The following CDC25A variants were observed in gnomAD, a reference collection of about 807,000 sequenced individuals.
CDC25A encodes cell division cycle 25A, also known as M-phase inducer phosphatase 1.
In CDC25A, 17 loss-of-function variants were observed where a neutral mutation model predicts 64.6. The ratio of observed to expected loss-of-function variants is 0.26; its 90% CI spans 0.18 to 0.39. CDC25A has a LOEUF of 0.39. Among genes scored for constraint, CDC25A ranks in the 10% least tolerant of loss-of-function variants. The probability of loss-of-function intolerance (pLI) is 1.00; values close to 1 mark genes in which losing one functional copy is unlikely to be tolerated. For synonymous variants in CDC25A, 229 were observed against 238.6 expected (o/e 0.96, Z 0.37); for missense variants, 473 against 654.8 (o/e 0.72, Z 3.03).
chr3:48,166,045 G>A, intron 10 of CDC25A, 152 bp from the exon 11 acceptor site: 1 of 629,368 alleles, frequency 1.6e-6, no homozygotes, highest in Non-Finnish European at 2.8e-6. Flanking sequence ...AGCACTTTGG[G>A]AGGCCGAGGC....
chr3:48,173,209 C>CAAA (rs35936117), intron 9 of CDC25A, among the ~76,000 whole-genome samples: 1 of 54,500 alleles, frequency 1.8e-5, no homozygotes, highest in African/African-American at 5.6e-5. Context: ...CAGAGCGTCT[C>CAAA]AAAAAAAAAA....
At chr3:48,176,027 G>A (rs1247898738) in intron 8 of CDC25A, among the ~76,000 whole-genome samples, 7 of 152,142 alleles carry the variant, frequency 4.6e-5, no homozygotes, top group Admixed American at 1.3e-4. Flanking sequence ...AATTAGCCGG[G>A]AGTGGTGGCG....
chr3:48,184,027 G>GA (rs1260410922), intron 3 of CDC25A, among the ~76,000 whole-genome samples, 191 bp from the exon 4 acceptor site: 1 of 151,490 alleles, frequency 6.6e-6, no homozygotes, highest in Non-Finnish European at 1.5e-5. Flanking sequence ...ACTTCTAGGT[G>GA]AAAAAAAACA....
Position 48,174,379 on chromosome 3 carries a change from A to T in CDC25A, c.835T>A (p.Ser279Thr). 1 of 1,614,134 alleles carries T rather than the reference A, an allele frequency of 6.2e-7. No homozygotes were observed. The highest frequency in any genetic ancestry group is 2.2e-5 in the East Asian group (1 of 44,888). The change falls in exon 9 of 15, where the codon TCT becomes ACT. Residue 279 changes from serine to threonine, a missense_variant. Physicochemically the swap from Ser to Thr is moderately conservative, Grantham distance 58. Around this residue, in one of 2 missense-constraint regions of CDC25A, gnomAD observed 376 missense variants for 431.9 expected, o/e 0.87. Transcript: ENST00000302506. ...CTTCCAGGTGGAGACTCCTCTTGAG[A>T]TCGTTCTGGTCTCTTCAACACTGAC... ...TRSVLKRPER[S>T]QEESPPGSTK...
Position 48,165,745 on chromosome 3 carries a change from A to C in CDC25A, c.1093-11T>G. ...CAAAACAGATGCCATCTGTTGAGAG[A>C]AAATTAGGGAGAATCAACTTTGACC... On this transcript the variant is annotated splice_polypyrimidine_tract_variant and intron_variant, in intron 11 of 14. Transcript: ENST00000302506. 1 of 1,607,410 alleles carries C rather than the reference A, an allele frequency of 6.2e-7. No homozygotes were observed. Among genetic ancestry groups the C allele is most frequent in the Non-Finnish European group, 8.5e-7 (1 of 1,173,912 alleles).
Position 48,184,798 on chromosome 3 carries a change from G to T in CDC25A, c.248-103C>A. The T allele has an allele frequency of 3.9e-6, 3 of 776,230 alleles. No homozygotes were observed. In the South Asian group the frequency reaches 5.2e-5, roughly 13 times the overall value. The allele number at this position is 776,230 out of a possible 1,614,324, so 48.1% of individuals were successfully genotyped here. A position where few individuals can be genotyped will look rare whatever the true frequency, so the allele number is the denominator to read the frequency against. On this transcript the variant is annotated intron_variant, in intron 2 of 14. Coordinates refer to ENST00000302506, the MANE Select transcript of CDC25A (RefSeq NM_001789.3). ...AGTACCTGGGTCTTTATTTAAGTCAGGCAACAAATATTCATGGCTTGTACT... is the reference window on the plus strand; with the variant it reads ...AGTACCTGGGTCTTTATTTAAGTCATGCAACAAATATTCATGGCTTGTACT...
chr3:48,168,674 G>A (rs1211911996), intron 9 of CDC25A, among the ~76,000 whole-genome samples: 1 of 149,848 alleles, frequency 6.7e-6, no homozygotes. Flanking sequence ...CGCTCAGGCT[G>A]GAGTGCAGTG....
At chr3:48,177,832 CA>C in intron 7 of CDC25A, 21 bp downstream of exon 7, 19 of 2,652 alleles carry the variant, frequency 7.2e-3, no homozygotes, top group Non-Finnish European at 0.02. Context: ...CAAATAGGAA[CA>C]CACACACACA....
At chr3:48,186,841 G>T in intron 1 of CDC25A, 62 bp from the exon 2 acceptor site, 2 of 1,099,094 alleles carry the variant, frequency 1.8e-6, no homozygotes, top group East Asian at 2.6e-5. Context: ...GTCACATGCA[G>T]GAGATAGGCC....
intron 9 of CDC25A, among the ~76,000 whole-genome samples, chr3:48,169,385 G>A (rs1575263790): frequency 1.3e-5 from 2 of 152,324 alleles, no homozygotes; most frequent in South Asian, 2.1e-4. Flanking sequence ...TCACCTATGT[G>A]ATATTCTTGC....
chr3:48,161,265 G>A (rs2031751309), intron 13 of CDC25A: 1 of 155,710 alleles, frequency 6.4e-6, no homozygotes, highest in African/African-American at 2.4e-5. Flanking sequence ...AGTGTAAGGG[G>A]TATCTGTAGA....
intron 5 of CDC25A, chr3:48,181,676 A>G (rs970907563): frequency 4.7e-6 from 5 of 1,057,092 alleles, no homozygotes; most frequent in Non-Finnish European, 7.4e-6. Context: ...GAACAAGAGC[A>G]TGTTATTTAA....
intron 8 of CDC25A, 63 bp downstream of exon 8, chr3:48,177,308 G>A: frequency 8.0e-7 from 1 of 1,250,132 alleles, no homozygotes; most frequent in African/African-American, 1.5e-5. Context: ...ACTCAACTAA[G>A]GACTACTCTG....
chr3:48,182,475 T>C (rs1276441892), intron 5 of CDC25A, among the ~76,000 whole-genome samples: 2 of 152,176 alleles, frequency 1.3e-5, no homozygotes, highest in Admixed American at 6.5e-5. Flanking sequence ...TCCCTAGAAC[T>C]TGTTGACCCC....
chr3:48,167,842 T>C lies in CDC25A; in HGVS notation c.1029+4A>G. 2 of 1,499,804 alleles carry C rather than the reference T, an allele frequency of 1.3e-6. No individual in the cohort carries two copies. Among genetic ancestry groups the C allele is most frequent in the East Asian group, 2.3e-5 (1 of 44,330 alleles). The allele number at this position is 1,499,804 out of a possible 1,614,324, so 92.9% of individuals were successfully genotyped here. On this transcript the variant is annotated splice_donor_region_variant and intron_variant, in intron 10 of 14. Coordinates refer to ENST00000302506, the MANE Select transcript of CDC25A (RefSeq NM_001789.3). ...CTTGCCAGAGCAGCTCTGCTTGCAA[T>C]TACCTTGGAGAAGTCTCCTATAAGG...
chr3:48,168,430 C>T (rs984854319), intron 9 of CDC25A, among the ~76,000 whole-genome samples: 1 of 143,062 alleles, frequency 7.0e-6, no homozygotes, highest in African/African-American at 2.6e-5. Flanking sequence ...GTGGTGTGTG[C>T]CTGTAGTCCC....
At chr3:48,179,048 T>A (rs2032569192) in intron 6 of CDC25A, among the ~76,000 whole-genome samples, 3 of 152,150 alleles carry the variant, frequency 2.0e-5, no homozygotes, top group Admixed American at 6.6e-5. Flanking sequence ...TCTGAGTGGA[T>A]CATGCACCAA....
intron 2 of CDC25A, 61 bp downstream of exon 2, chr3:48,186,642 G>T: frequency 1.9e-6 from 2 of 1,043,004 alleles, no homozygotes; most frequent in Non-Finnish European, 2.9e-6. Flanking sequence ...TAACCTCCTG[G>T]GTGAAAAGGC....
intron 8 of CDC25A, 180 bp from the exon 9 acceptor site, chr3:48,174,637 G>A (rs909692391): frequency 8.7e-6 from 5 of 572,190 alleles, no homozygotes; most frequent in African/African-American, 7.6e-5. Context: ...AGTAGGCACT[G>A]AGCACTTAGT....
Sources: gnomAD v4.1 joint callset for allele counts (sites outside exome capture counted in the v4.1 genomes callset) on GRCh38, gnomAD v4.1.1 for gene constraint, gnomAD v4.1.1 regional missense constraint, MANE v1.5 for transcripts, NCBI Gene and HGNC (gene_info 2026-07-23, HGNC 2026-07-21) for gene names.